VEPH1: variants seen among roughly 807,000 people sequenced by gnomAD.
VEPH1 encodes ventricular zone expressed PH domain containing 1.
A neutral mutation model predicts 85.2 loss-of-function variants in VEPH1; 80 were observed. That is an observed-to-expected ratio of 0.94 (90% CI 0.78 to 1.13). VEPH1 has a LOEUF of 1.13. Ranked by LOEUF, VEPH1 falls within the 50% of genes most tolerant of loss-of-function variation. The pLI is 0.00. For synonymous variants in VEPH1, 297 were observed against 348.0 expected (o/e 0.85, Z 1.63); for missense variants, 955 against 980.5 (o/e 0.97, Z 0.35).
chr3:157,369,010 T>C (rs1727076026), intron 7 of VEPH1, among the ~76,000 whole-genome samples: 1 of 151,496 alleles, frequency 6.6e-6, no homozygotes, highest in Non-Finnish European at 1.5e-5. Flanking sequence ...ACCCATCTGG[T>C]CTGGCACAGT....
In VEPH1 at chr3:157,366,622, C is replaced by T. The variant is rs764259947; in HGVS notation, c.1128-2110G>A. On this transcript the variant is annotated intron_variant, in intron 7 of 13. Coordinates refer to ENST00000362010, the MANE Select transcript of VEPH1 (RefSeq NM_001167912.2). ...TGGTGTCAGGCACCTGTAATCCCAGCTACTCGGGAGGCTGAGGCGGGAGAA... is the reference window on the plus strand; with the variant it reads ...TGGTGTCAGGCACCTGTAATCCCAGTTACTCGGGAGGCTGAGGCGGGAGAA... Among the ~76,000 whole-genome samples the T allele has an allele frequency of 3.9e-5, 6 of 152,140 alleles. No individual in the cohort carries two copies. In the South Asian group the frequency reaches 1.2e-3, roughly 32 times the overall value.
intron 11 of VEPH1, among the ~76,000 whole-genome samples, chr3:157,304,496 T>C (rs557922056): frequency 1.3e-5 from 2 of 152,268 alleles, no homozygotes; most frequent in South Asian, 4.1e-4. Context: ...CTTTGTCAAC[T>C]CTCTGGTCCT....
chr3:157,272,443 C>CTT (rs2108294800), intron 12 of VEPH1, among the ~76,000 whole-genome samples: 2 of 132,654 alleles, frequency 1.5e-5, no homozygotes, highest in South Asian at 2.5e-4. Flanking sequence ...TTCTTTCCTT[C>CTT]TCTCTCTCTC....
chr3:157,317,384 G>A (rs2108531655), intron 9 of VEPH1, among the ~76,000 whole-genome samples, 183 bp from the exon 10 acceptor site: 1 of 152,232 alleles, frequency 6.6e-6, no homozygotes, highest in Non-Finnish European at 1.5e-5. Context: ...TTTAAATAAA[G>A]ATTTTAAATT....
At chr3:157,346,652 G>A (rs1724258271) in intron 9 of VEPH1, among the ~76,000 whole-genome samples, 1 of 151,830 alleles carries the variant, frequency 6.6e-6, no homozygotes. Flanking sequence ...TCATTGCCCA[G>A]GCTGGAGTGT....
rs760502014 is a variant in VEPH1, at chr3:157,422,308, CCCA to C, written c.696+6011_696+6013del. On this transcript the variant is annotated intron_variant, in intron 5 of 13. Transcript: ENST00000362010. ...GAAGTGCATGTGAAAAGCCACCTCA[CCCA>C]CCAAGTCACCCTTTGGTACCACCAC... 3.3e-5 allele frequency among the ~76,000 whole-genome samples: 5 copies of C among 152,290 alleles called. No homozygotes were observed. In the East Asian group the frequency reaches 7.7e-4, roughly 24 times the overall value.
chr3:157,323,380 T>A (rs1239941238), intron 9 of VEPH1, among the ~76,000 whole-genome samples: 1 of 152,196 alleles, frequency 6.6e-6, no homozygotes, highest in South Asian at 2.1e-4. Context: ...GAAGTGTGAG[T>A]TGTTGAACTG....
chr3:157,402,304 A>C (rs1730843387), intron 6 of VEPH1, among the ~76,000 whole-genome samples: 1 of 152,206 alleles, frequency 6.6e-6, no homozygotes, highest in Admixed American at 6.5e-5. Context: ...GTAGACAAAC[A>C]GTGCTTTAGA....
intron 3 of VEPH1, 101 bp from the exon 4 acceptor site, chr3:157,460,456 G>C: frequency 7.2e-7 from 1 of 1,381,888 alleles, no homozygotes; most frequent in Non-Finnish European, 9.6e-7. Flanking sequence ...AGCTACCAGA[G>C]TACAGCTGTG....
chr3:157,442,583 T>C (rs747739786), intron 4 of VEPH1: 3 of 1,614,026 alleles, frequency 1.9e-6, no homozygotes, highest in Non-Finnish European at 2.5e-6. Context: ...TTGTGGTGGG[T>C]GGAGAGGAGA....
rs772405716 is a variant in VEPH1, at chr3:157,460,152, T to C, written c.529+29A>G. The C allele has an allele frequency of 9.3e-6, 15 of 1,614,076 alleles. No individual in the cohort carries two copies. The Middle Eastern group carries it at 8.2e-4, about 88-fold the overall frequency. On this transcript the variant is annotated intron_variant, in intron 4 of 13. Coordinates refer to ENST00000362010, the MANE Select transcript of VEPH1 (RefSeq NM_001167912.2). ...ATACTTTTAAATATCTCCCAAAACA[T>C]GTCCCCAAGCTCAACTTTCGCACCA... is the stretch of plus-strand genomic sequence containing the variant.
At chr3:157,384,582 T>G (rs1186494596) in intron 6 of VEPH1, among the ~76,000 whole-genome samples, 5 of 152,214 alleles carry the variant, frequency 3.3e-5, no homozygotes, top group Non-Finnish European at 7.3e-5. Context: ...GTTGTTTGGG[T>G]ATTTGCCGAA....
intron 11 of VEPH1, among the ~76,000 whole-genome samples, chr3:157,297,606 G>A (rs1041141269): frequency 1.3e-5 from 2 of 152,076 alleles, no homozygotes; most frequent in African/African-American, 2.4e-5. Context: ...TAGATAAGAA[G>A]CAGAGAGAAA....
At chr3:157,271,799 A>T (rs1259316218) in intron 12 of VEPH1, among the ~76,000 whole-genome samples, 2 of 152,208 alleles carry the variant, frequency 1.3e-5, no homozygotes, top group African/African-American at 4.8e-5. Flanking sequence ...GGCACTGATT[A>T]TATGTCAAAT....
intron 2 of VEPH1, among the ~76,000 whole-genome samples, chr3:157,479,217 T>C (rs890375201): frequency 1.3e-5 from 2 of 152,166 alleles, no homozygotes; most frequent in African/African-American, 2.4e-5. Context: ...CATATTAAAA[T>C]GAGCAACTTC....
At position 157,291,739 on chromosome 3, in the gene VEPH1, G is replaced by A. The variant is rs115558260; in HGVS notation, c.2011-5065C>T. Among the ~76,000 whole-genome samples the A allele has an allele frequency of 8.9e-3, 1,354 of 152,242 alleles. 12 individuals are homozygous for A. The highest frequency in any genetic ancestry group is 0.012 in the Non-Finnish European group (818 of 68,018). On this transcript the variant is annotated intron_variant, in intron 11 of 13. Transcript: ENST00000362010. Reference sequence around the variant, plus strand: ...TGAAGACTGACTTCCATATTGTTTTGCAGCTTTTAAAAATACTTAGTATGG... The same window carrying A: ...TGAAGACTGACTTCCATATTGTTTTACAGCTTTTAAAAATACTTAGTATGG...
intron 4 of VEPH1, among the ~76,000 whole-genome samples, chr3:157,457,645 T>C (rs1735492463): frequency 6.6e-6 from 1 of 152,068 alleles, no homozygotes; most frequent in Non-Finnish European, 1.5e-5. Flanking sequence ...TTGTCTTTAG[T>C]TGTGTTTATG....
At chr3:157,346,419 A>G (rs1437489338) in intron 9 of VEPH1, among the ~76,000 whole-genome samples, 1 of 152,100 alleles carries the variant, frequency 6.6e-6, no homozygotes, top group East Asian at 1.9e-4. Context: ...AGCATTTGGG[A>G]ATTTCTTAAG....
At chr3:157,346,528 A>G (rs1375489137) in intron 9 of VEPH1, among the ~76,000 whole-genome samples, 1 of 152,102 alleles carries the variant, frequency 6.6e-6, no homozygotes, top group African/African-American at 2.4e-5. Flanking sequence ...CCTAGATAAT[A>G]CTTTCACTGA....
Sources: allele counts gnomAD v4.1 joint callset (sites outside exome capture counted in the v4.1 genomes callset), GRCh38; gene constraint gnomAD v4.1.1; transcripts MANE v1.5; gene names NCBI Gene and HGNC (gene_info 2026-07-23, HGNC 2026-07-21).